Variants in CADM1 observed in about 807,000 individuals in gnomAD.
CADM1 encodes cell adhesion molecule 1.
In CADM1, 15 loss-of-function variants were observed where a neutral mutation model predicts 53.1. That is an observed-to-expected ratio of 0.28 (90% confidence interval 0.19 to 0.44). The LOEUF (loss-of-function observed/expected upper bound fraction) is 0.44, where lower values mean the gene tolerates loss of function less well. Among genes scored for constraint, CADM1 ranks in the 20% least tolerant of loss-of-function variants. The pLI is 1.00. For synonymous variants in CADM1, 281 were observed against 243.0 expected (o/e 1.16, Z -1.45); for missense variants, 434 against 611.3 (o/e 0.71, Z 3.06).
At chr11:115,284,085 A>ACTCT (rs1449186377) in intron 1 of CADM1, among the ~76,000 whole-genome samples, 16 of 23,408 alleles carry the variant, frequency 6.8e-4, no homozygotes, top group African/African-American at 2.2e-3. Flanking sequence ...ACAAGCCCAG[A>ACTCT]CACTCTCTCT....
chr11:115,338,705 G>A (rs1945331712), intron 1 of CADM1, among the ~76,000 whole-genome samples: 1 of 151,888 alleles, frequency 6.6e-6, no homozygotes. Flanking sequence ...CTCTCCTTCA[G>A]TATTGGGCAA....
intron 1 of CADM1, among the ~76,000 whole-genome samples, chr11:115,299,978 T>C (rs1246996959): frequency 6.6e-6 from 1 of 152,168 alleles, no homozygotes; most frequent in Non-Finnish European, 1.5e-5. Flanking sequence ...ACTTAGTTTG[T>C]AGTAATCTTT....
chr11:115,420,139 G>A (rs938931088), intron 1 of CADM1, among the ~76,000 whole-genome samples: 4 of 152,134 alleles, frequency 2.6e-5, no homozygotes, highest in Admixed American at 6.6e-5. Flanking sequence ...TATTTCTTAA[G>A]CTCCTTTTCT....
chr11:115,307,725 T>C (rs1944415373), intron 1 of CADM1, among the ~76,000 whole-genome samples: 1 of 151,796 alleles, frequency 6.6e-6, no homozygotes, highest in South Asian at 2.1e-4. Context: ...ATTTATAGAT[T>C]TAAAATTTTA....
chr11:115,218,078 A>G (rs1941262356), intron 5 of CADM1, 87 bp from the exon 6 acceptor site: 3 of 827,744 alleles, frequency 3.6e-6, no homozygotes, highest in Non-Finnish European at 6.2e-6. Context: ...AAACCACAGT[A>G]CCAGCACTTA....
intron 1 of CADM1, among the ~76,000 whole-genome samples, chr11:115,249,851 C>T (rs929218397): frequency 1.2e-4 from 18 of 152,206 alleles, no homozygotes; most frequent in African/African-American, 4.3e-4. Flanking sequence ...GGATACTTCT[C>T]AATCCCCCTG....
chr11:115,419,269 C>T (rs775053006), intron 1 of CADM1, among the ~76,000 whole-genome samples: 8 of 152,112 alleles, frequency 5.3e-5, no homozygotes, highest in Non-Finnish European at 8.8e-5. Context: ...AATAGACTGC[C>T]CCTTTGTTTG....
intron 1 of CADM1, among the ~76,000 whole-genome samples, chr11:115,449,906 G>A (rs1948534401): frequency 6.6e-6 from 1 of 151,910 alleles, no homozygotes; most frequent in African/African-American, 2.4e-5. Flanking sequence ...TTTTATGCCA[G>A]GGAAAACACA....
chr11:115,422,227 G>A lies in CADM1; in HGVS notation c.124+82044C>T, dbSNP rs11215548. Among the ~76,000 whole-genome samples the A allele has an allele frequency of 5.2e-3, 791 of 152,244 alleles. 6 individuals carry two copies. The highest frequency in any genetic ancestry group is 0.018 in the African/African-American group (749 of 41,542). On this transcript the variant is annotated intron_variant, in intron 1 of 11. Transcript: ENST00000331581. ...AATCCACCAAATGCTGGAAAATGCCGCTCTCAGACAGACTATTTCCTAAAA... is the reference window on the plus strand; with the variant it reads ...AATCCACCAAATGCTGGAAAATGCCACTCTCAGACAGACTATTTCCTAAAA...
In CADM1 at chr11:115,196,595, TAAAA is replaced by T. The variant is rs61694033; in HGVS notation, c.1111+1807_1111+1810del. Among the ~76,000 whole-genome samples, 9 of 76,892 alleles carry T rather than the reference TAAAA, an allele frequency of 1.2e-4. No individual in the cohort carries two copies. The South Asian group carries it at 2.2e-3, about 19-fold the overall frequency. 50.4% of individuals were successfully genotyped at this position (76,892 alleles called of 152,430 possible). ...ACACTAACAATGATAGCTGATGAACTAAAAAAAAAAAAAAAAAAAAAAAAATCAC... is the reference window on the plus strand; with the variant it reads ...ACACTAACAATGATAGCTGATGAACTAAAAAAAAAAAAAAAAAAAAATCAC... On this transcript the variant is annotated intron_variant, in intron 9 of 11. Coordinates refer to ENST00000331581, the MANE Select transcript of CADM1 (RefSeq NM_001301043.2).
At chr11:115,418,430 T>C (rs1320596911) in intron 1 of CADM1, among the ~76,000 whole-genome samples, 4 of 152,140 alleles carry the variant, frequency 2.6e-5, no homozygotes, top group African/African-American at 9.7e-5. Context: ...ATCAAACTAC[T>C]ACCCTTACAG....
At chr11:115,188,099 C>T (rs1036547051) in intron 10 of CADM1, among the ~76,000 whole-genome samples, 15 of 152,188 alleles carry the variant, frequency 9.9e-5, no homozygotes, top group Non-Finnish European at 1.0e-4. Context: ...CTAAACAGTT[C>T]CCCAAGGCCC....
intron 1 of CADM1, among the ~76,000 whole-genome samples, chr11:115,275,402 A>G (rs1027499143): frequency 7.9e-5 from 12 of 152,152 alleles, no homozygotes; most frequent in African/African-American, 2.2e-4. Flanking sequence ...CTTAGGACAC[A>G]TAAACTCGTA....
intron 1 of CADM1, among the ~76,000 whole-genome samples, chr11:115,497,975 C>CAA (rs766633630): frequency 2.8e-4 from 20 of 72,298 alleles, no homozygotes; most frequent in Middle Eastern, 7.5e-3. Context: ...GAAAGAGCCT[C>CAA]AAAAAAAAAA....
chr11:115,270,006 C>G (rs887471840), intron 1 of CADM1, among the ~76,000 whole-genome samples: 1 of 152,138 alleles, frequency 6.6e-6, no homozygotes, highest in Admixed American at 6.5e-5. Flanking sequence ...AAGGTTTAGG[C>G]GACGAAGAGG....
intron 8 of CADM1, among the ~76,000 whole-genome samples, chr11:115,204,742 T>C (rs1173639243): frequency 6.6e-6 from 1 of 152,234 alleles, no homozygotes; most frequent in East Asian, 1.9e-4. Flanking sequence ...ATTCTATACA[T>C]ATCACTGAAG....
intron 1 of CADM1, among the ~76,000 whole-genome samples, chr11:115,340,944 T>C (rs1004950568): frequency 6.6e-6 from 1 of 151,680 alleles, no homozygotes; most frequent in Non-Finnish European, 1.5e-5. Context: ...ATGAGCCCAC[T>C]GTGACCAGCC....
At chr11:115,191,567 G>A (rs1201472854) in intron 9 of CADM1, among the ~76,000 whole-genome samples, 1 of 152,172 alleles carries the variant, frequency 6.6e-6, no homozygotes, top group African/African-American at 2.4e-5. Context: ...TAGGTCAGGA[G>A]GTAATCAAAT....
intron 1 of CADM1, among the ~76,000 whole-genome samples, chr11:115,433,582 C>T (rs1413622105): frequency 2.6e-5 from 4 of 152,158 alleles, no homozygotes; most frequent in Non-Finnish European, 4.4e-5. Context: ...AGGAAGCAAA[C>T]GCACATGTTT....
Sources: gnomAD v4.1 joint callset for allele counts (sites outside exome capture counted in the v4.1 genomes callset) on GRCh38, gnomAD v4.1.1 for gene constraint, MANE v1.5 for transcripts, NCBI Gene and HGNC (gene_info 2026-07-23, HGNC 2026-07-21) for gene names.